Variants in ACOT11 observed in about 807,000 individuals in gnomAD.
ACOT11 encodes acyl-coenzyme A thioesterase 11.
A neutral mutation model predicts 77.5 loss-of-function variants in ACOT11; 69 were observed. That is an observed-to-expected ratio of 0.89 (90% CI 0.73 to 1.09). The LOEUF is 1.09. ACOT11 is among the 50% of genes least tolerant of loss of function. The probability of loss-of-function intolerance (pLI) is 0.00; values close to 1 mark genes in which losing one functional copy is unlikely to be tolerated. For missense variants in ACOT11, 766 were observed against 813.7 expected, an observed-to-expected ratio of 0.94 and a Z score of 0.71; for synonymous variants, 279 against 313.0, an observed-to-expected ratio of 0.89 and a Z score of 1.15.
At chr1:54,588,767 A>G (rs1015036240) in intron 3 of ACOT11, among the ~76,000 whole-genome samples, 7 of 152,260 alleles carry the variant, frequency 4.6e-5, no homozygotes, top group African/African-American at 1.7e-4. Flanking sequence ...GGGTACATGC[A>G]TGATGGCTGG....
intron 1 of ACOT11, among the ~76,000 whole-genome samples, chr1:54,558,782 T>TG (rs1653359517): frequency 6.6e-6 from 1 of 152,162 alleles, no homozygotes; most frequent in South Asian, 2.1e-4. Flanking sequence ...ACCTGCAGGC[T>TG]GGGGGTCCAG....
chr1:54,619,348 C>G (rs555754679), intron 15 of ACOT11, among the ~76,000 whole-genome samples: 1 of 152,224 alleles, frequency 6.6e-6, no homozygotes, highest in African/African-American at 2.4e-5. Flanking sequence ...CCACTCTGGG[C>G]TCCAATGTTG....
chr1:54,572,856 C>A (rs920198586), intron 1 of ACOT11: 2 of 884,722 alleles, frequency 2.3e-6, no homozygotes, highest in Non-Finnish European at 2.7e-6. Context: ...GGCAGTGTGG[C>A]GGGCTGAGAT....
rs1459151832 is a variant in ACOT11 at position 54,629,536 on chromosome 1, T to C, written c.1630-1198T>C. On this transcript the variant is annotated intron_variant, in intron 15 of 16. Transcript: ENST00000371316. The stretch of plus-strand genomic sequence containing the variant: ...CTCCTGACCTCGTGATACGCCTGCC[T>C]CAGCCTCCTAAAGGGCTGGGATTAC... 2.2e-5 allele frequency among the ~76,000 whole-genome samples: 3 copies of C among 133,756 alleles called. 1 individual carries two copies. In the East Asian group the frequency reaches 7.0e-4, roughly 31 times the overall value. 87.7% of individuals were successfully genotyped at this position (133,756 alleles called of 152,430 possible).
At chr1:54,568,354 G>T (rs1413552462) in intron 1 of ACOT11, among the ~76,000 whole-genome samples, 1 of 140,544 alleles carries the variant, frequency 7.1e-6, no homozygotes. Context: ...GGTTTTCCCA[G>T]CACCTTTTTT....
chr1:54,605,337 A>G (rs1041387155), intron 13 of ACOT11, 128 bp downstream of exon 13: 2 of 1,249,062 alleles, frequency 1.6e-6, no homozygotes, highest in African/African-American at 1.5e-5. Flanking sequence ...TTGGAGTTCC[A>G]TGCTGGGTGG....
chr1:54,636,420 T>G (rs903259734), exon 17 of ACOT11: 1 of 152,262 alleles, frequency 6.6e-6, no homozygotes, highest in South Asian at 2.1e-4. Flanking sequence ...GCTTTAGATA[T>G]GTATACACAT....
chr1:54,635,083 C>T (rs11206400), exon 17 of ACOT11: 13 of 304,886 alleles, frequency 4.3e-5, no homozygotes, highest in Middle Eastern at 1.8e-3. Flanking sequence ...CATAATAAAT[C>T]GGCTCCTATA....
rs191957111 is a variant in ACOT11 at position 54,568,055 on chromosome 1, A to G, written c.34-16600A>G. Among the ~76,000 whole-genome samples the G allele has an allele frequency of 8.3e-3, 1,267 of 152,214 alleles. 32 individuals carry two copies. Among genetic ancestry groups the G allele is most frequent in the Admixed American group, 0.057 (869 of 15,276 alleles). On this transcript the variant is annotated intron_variant, in intron 1 of 15. Coordinates refer to ENST00000343744, the MANE Select transcript of ACOT11 (RefSeq NM_147161.4). ...ATTTCTTAGGTCCTTCTGTCCCAAC[A>G]CGTCCCTGTTCTTCCTCTGACAGCC...
chr1:54,556,706 C>G (rs987267986), intron 1 of ACOT11, among the ~76,000 whole-genome samples: 21 of 151,956 alleles, frequency 1.4e-4, no homozygotes, highest in African/African-American at 5.1e-4. Flanking sequence ...CTCAGTCCCC[C>G]GAGTAGCTGG....
rs2101012463 is a variant in ACOT11, at chr1:54,609,919, CAG to C, written c.*808_*809del. ...CCACAGTTCCCTCGAGGCCAGTGTT[CAG>C]CAGGATCATGCCTTCTGTGTCTGGA... On this transcript the variant is annotated 3_prime_UTR_variant, in exon 16 of 16. Transcript: ENST00000343744. 6.2e-7 allele frequency: 1 copy of C among 1,607,434 alleles called. No individual in the cohort carries two copies. The highest frequency in any genetic ancestry group is 1.3e-5 in the African/African-American group (1 of 75,066).
intron 12 of ACOT11, 44 bp downstream of exon 12, chr1:54,604,473 A>G: frequency 1.9e-6 from 3 of 1,576,506 alleles, no homozygotes; most frequent in Non-Finnish European, 2.6e-6. Context: ...CATCTGAGCC[A>G]GAGGTGGCTA....
intron 1 of ACOT11, among the ~76,000 whole-genome samples, chr1:54,559,345 C>T (rs546095236): frequency 6.6e-6 from 1 of 152,340 alleles, no homozygotes; most frequent in South Asian, 2.1e-4. Context: ...CCCACTGCCC[C>T]TCACCTGTGC....
At chr1:54,586,635 T>C (rs1251587524) in intron 3 of ACOT11, among the ~76,000 whole-genome samples, 2 of 152,118 alleles carry the variant, frequency 1.3e-5, no homozygotes, top group Non-Finnish European at 2.9e-5. Flanking sequence ...GGTTTCGCCA[T>C]GTTGGCCAGG....
chr1:54,625,593 C>A (rs1211176964), intron 15 of ACOT11, among the ~76,000 whole-genome samples: 1 of 152,064 alleles, frequency 6.6e-6, no homozygotes, highest in Non-Finnish European at 1.5e-5. Flanking sequence ...CTTTACTCTA[C>A]AGTTAAAGTC....
intron 15 of ACOT11, among the ~76,000 whole-genome samples, chr1:54,623,090 C>T (rs550640834): frequency 6.0e-5 from 9 of 150,854 alleles, no homozygotes; most frequent in East Asian, 4.0e-4. Context: ...GCAGGAGAAT[C>T]GCTTGAACCT....
Position 54,626,055 on chromosome 1 carries a change from G to A in ACOT11, c.1630-4679G>A, listed in dbSNP as rs1366243716. 2.0e-5 allele frequency among the ~76,000 whole-genome samples: 3 copies of A among 151,562 alleles called. No individual in the cohort carries two copies. In the East Asian group the frequency reaches 5.8e-4, roughly 29 times the overall value. ...GCGGGCGGATCACTTGAGGTCAGGA[G>A]TTTATGACTAGCTTGGCCAACAGAG... On this transcript the variant is annotated intron_variant, in intron 15 of 16. Coordinates refer to the ACOT11 transcript ENST00000371316.
At chr1:54,565,518 C>T (rs962864882) in intron 1 of ACOT11, among the ~76,000 whole-genome samples, 1 of 152,128 alleles carries the variant, frequency 6.6e-6, no homozygotes, top group Non-Finnish European at 1.5e-5. Context: ...CTTTTACTGG[C>T]CAGGAGTGCA....
chr1:54,585,794 G>A (rs1557656956), intron 2 of ACOT11, 41 bp from the exon 3 acceptor site: 1 of 1,609,900 alleles, frequency 6.2e-7, no homozygotes, highest in Non-Finnish European at 8.5e-7. Context: ...CCTGTGATCG[G>A]GGGAGGCTGC....
Sources: allele counts gnomAD v4.1 joint callset (sites outside exome capture counted in the v4.1 genomes callset), GRCh38; gene constraint gnomAD v4.1.1; transcripts MANE v1.5; gene names NCBI Gene and HGNC (gene_info 2026-07-23, HGNC 2026-07-21).